DNM2: variants seen among roughly 807,000 people sequenced by gnomAD.
DNM2 encodes the protein dynamin-2.
DNM2 carries 15 observed loss-of-function variants against 99.0 expected under a neutral mutation model. That is an observed-to-expected ratio of 0.15 (90% confidence interval 0.10 to 0.23). The LOEUF is 0.23. Ranked by LOEUF, DNM2 falls within the 10% of genes least tolerant of loss-of-function variation. DNM2 has a pLI of 1.00. For missense variants in DNM2, 742 were observed against 1,189.4 expected (o/e 0.62, Z 5.53); for synonymous variants, 525 against 481.2 (o/e 1.09, Z -1.19).
intron 1 of DNM2, among the ~76,000 whole-genome samples, chr19:10,719,328 G>A (rs1184998048): frequency 6.6e-6 from 1 of 152,110 alleles, no homozygotes; most frequent in Non-Finnish European, 1.5e-5. Context: ...CCTTACTTCA[G>A]GATTCCTTTC....
At chr19:10,827,598 G>A (rs1056352101) in intron 18 of DNM2, among the ~76,000 whole-genome samples, 5 of 151,820 alleles carry the variant, frequency 3.3e-5, no homozygotes, top group Non-Finnish European at 7.4e-5. Context: ...ACGGCCAGGT[G>A]TGGTGGCTCA....
chr19:10,817,551 C>T lies in DNM2; in HGVS notation c.1672-2429C>T. On this transcript the variant is annotated intron_variant, in intron 15 of 20. Transcript: ENST00000389253. The surrounding 1 kb of genome is among the most constrained non-coding windows in gnomAD (Gnocchi z 4.6). ...CCAGGCAGACGCTGGGGCCACCAGGCCAGGCCGTGCCTCAGCACCTCTGAG... is the reference window on the plus strand; with the variant it reads ...CCAGGCAGACGCTGGGGCCACCAGGTCAGGCCGTGCCTCAGCACCTCTGAG... 2.4e-6 allele frequency: 1 copy of T among 418,636 alleles called. No homozygotes were observed. The highest frequency in any genetic ancestry group is 4.9e-6 in the Non-Finnish European group (1 of 205,168). The allele number at this position is 418,636 out of a possible 1,614,324, so 25.9% of individuals were successfully genotyped here. A position where few individuals can be genotyped will look rare whatever the true frequency, so the allele number is the denominator to read the frequency against.
At chr19:10,785,947 C>CA (rs2145975079) in intron 6 of DNM2, among the ~76,000 whole-genome samples, 1 of 151,806 alleles carries the variant, frequency 6.6e-6, no homozygotes, top group East Asian at 1.9e-4. Flanking sequence ...TACAGGCACC[C>CA]ACCACCACAC....
intron 1 of DNM2, among the ~76,000 whole-genome samples, chr19:10,744,658 G>A (rs2069896567): frequency 1.3e-5 from 2 of 152,262 alleles, no homozygotes; most frequent in African/African-American, 2.4e-5. Flanking sequence ...CACCCTGTAA[G>A]GGCTGCAGAC....
chr19:10,753,220 T>TA (rs1324972235), intron 1 of DNM2, among the ~76,000 whole-genome samples: 1 of 152,212 alleles, frequency 6.6e-6, no homozygotes, highest in Non-Finnish European at 1.5e-5. Context: ...GCTACTCTAA[T>TA]GTTTTGAACT....
intron 3 of DNM2, among the ~76,000 whole-genome samples, chr19:10,773,224 T>A (rs946178570): frequency 4.0e-5 from 6 of 150,422 alleles, no homozygotes; most frequent in Non-Finnish European, 8.8e-5. Context: ...CTCAGCTCAC[T>A]GCAGTCTCCG....
At chr19:10,779,210 G>A (rs1322496800) in intron 5 of DNM2, among the ~76,000 whole-genome samples, 2 of 145,506 alleles carry the variant, frequency 1.4e-5, no homozygotes, top group Non-Finnish European at 3.0e-5. Flanking sequence ...GCAAGGGTCT[G>A]TCTCAAAAAA....
At chr19:10,808,868 T>TA (rs538795183) in intron 14 of DNM2, 39 of 407,126 alleles carry the variant, frequency 9.6e-5, no homozygotes, top group Admixed American at 1.7e-4. Context: ...GGCAAATACT[T>TA]ACACACCGCC....
At chr19:10,720,216 ATTTT>A (rs778787809) in intron 1 of DNM2, among the ~76,000 whole-genome samples, 1 of 140,674 alleles carries the variant, frequency 7.1e-6, no homozygotes, top group Non-Finnish European at 1.6e-5. Flanking sequence ...TTATTTATTT[ATTTT>A]TTTTTTTTTT....
chr19:10,817,831 G>A lies in DNM2; in HGVS notation c.1672-2149G>A, dbSNP rs1051350475. The stretch of plus-strand genomic sequence containing the variant: ...TGTGTGTGTGTGCGCGCGCGCGCAC[G>A]CGTGCGTGCCGGCAGCACCAGGAAG... On this transcript the variant is annotated intron_variant, in intron 15 of 20. Coordinates refer to ENST00000389253, the MANE Select transcript of DNM2 (RefSeq NM_001005361.3). This position sits in a 1 kb window ranked among gnomAD's most constrained non-coding sequence, Gnocchi z 4.6. Among the ~76,000 whole-genome samples the A allele has an allele frequency of 1.3e-5, 2 of 150,964 alleles. No homozygotes were observed. Among genetic ancestry groups the A allele is most frequent in the Admixed American group, 6.6e-5 (1 of 15,200 alleles).
chr19:10,799,317 G>A (rs1409977491), intron 11 of DNM2, among the ~76,000 whole-genome samples: 1 of 152,078 alleles, frequency 6.6e-6, no homozygotes, highest in South Asian at 2.1e-4. Context: ...CTCCCACAAC[G>A]TAAGGCCCAT....
In DNM2 at chr19:10,831,073, G is replaced by T; in HGVS notation, c.*26G>T. 2 of 1,581,324 alleles carry T rather than the reference G, an allele frequency of 1.3e-6. No individual in the cohort carries two copies. Among genetic ancestry groups the T allele is most frequent in the South Asian group, 1.1e-5 (1 of 87,206 alleles). On this transcript the variant is annotated 3_prime_UTR_variant, in exon 21 of 21. Coordinates refer to ENST00000389253, the MANE Select transcript of DNM2 (RefSeq NM_001005361.3). This position sits in a 1 kb window ranked among gnomAD's most constrained non-coding sequence, Gnocchi z 4.3. ...GCCTCGAGGGGGGCGTGCTCTCGGG[G>T]GGGCCTCACGCACCCGCGGCGCAGG...
At position 10,778,091 on chromosome 19, in the gene DNM2, A is replaced by G. The variant is rs371535541; in HGVS notation, c.688+875A>G. Among the ~76,000 whole-genome samples the G allele has an allele frequency of 4.1e-3, 598 of 147,096 alleles. 3 individuals are homozygous for G. The highest frequency in any genetic ancestry group is 0.013 in the African/African-American group (509 of 39,832). On this transcript the variant is annotated intron_variant, in intron 5 of 20. Coordinates refer to ENST00000389253, the MANE Select transcript of DNM2 (RefSeq NM_001005361.3). ...TCTCTGTTGCCCAGGCTGGAGTGCA[A>G]TGGTGCAGTCTGGGCTCACTGCAAC...
intron 5 of DNM2, among the ~76,000 whole-genome samples, chr19:10,779,506 T>C (rs12462887): frequency 8.6e-5 from 8 of 92,790 alleles, no homozygotes; most frequent in South Asian, 4.4e-4. Flanking sequence ...TTCTTTCTTT[T>C]TTTTTTTTTT....
chr19:10,729,388 G>A (rs2069231358), intron 1 of DNM2, among the ~76,000 whole-genome samples: 1 of 151,992 alleles, frequency 6.6e-6, no homozygotes, highest in Non-Finnish European at 1.5e-5. Flanking sequence ...ATATTCTGAA[G>A]AGTGAGAAGC....
intron 1 of DNM2, among the ~76,000 whole-genome samples, chr19:10,755,757 G>A (rs865947688): frequency 1.3e-5 from 2 of 151,676 alleles, no homozygotes; most frequent in East Asian, 3.9e-4. Context: ...TCCGCCTCCC[G>A]GGTTCAAGCC....
At chr19:10,738,122 G>T (rs2145745364) in intron 1 of DNM2, among the ~76,000 whole-genome samples, 1 of 152,238 alleles carries the variant, frequency 6.6e-6, no homozygotes, top group East Asian at 1.9e-4. Context: ...GCCGGACGTG[G>T]TGGCTCATGC....
intron 1 of DNM2, among the ~76,000 whole-genome samples, chr19:10,751,695 C>T (rs1015649690): frequency 3.3e-5 from 5 of 152,242 alleles, no homozygotes; most frequent in South Asian, 2.1e-4. Flanking sequence ...GGGCTCCTGG[C>T]GCTCTCAGCC....
rs1472722793 is a variant in DNM2 at position 10,795,295 on chromosome 19, A to G, written c.1129-77A>G. 1.5e-6 allele frequency: 2 copies of G among 1,355,058 alleles called. No homozygotes were observed. The highest frequency in any genetic ancestry group is 2.9e-5 in the African/African-American group (2 of 69,804). The allele number at this position is 1,355,058 out of a possible 1,614,324, so 83.9% of individuals were successfully genotyped here. On this transcript the variant is annotated intron_variant, in intron 8 of 20. Coordinates refer to ENST00000389253, the MANE Select transcript of DNM2 (RefSeq NM_001005361.3). The surrounding 1 kb of genome is among the most constrained non-coding windows in gnomAD (Gnocchi z 4.2). Reference sequence around the variant, plus strand: ...GTGAATATAGCCACACGTGGGAGAGAACGTTCCCCAGATGCACGCCTGCCA... The same window carrying G: ...GTGAATATAGCCACACGTGGGAGAGGACGTTCCCCAGATGCACGCCTGCCA...
Sources: gnomAD v4.1 joint callset for allele counts (sites outside exome capture counted in the v4.1 genomes callset) on GRCh38, gnomAD v4.1.1 for gene constraint, Gnocchi (gnomAD v3.1) non-coding constraint, MANE v1.5 for transcripts, NCBI Gene and HGNC (gene_info 2026-07-23, HGNC 2026-07-21) for gene names.